Variants in USP40 observed in about 807,000 individuals in gnomAD.
The protein encoded by USP40 is ubiquitin specific peptidase 40.
USP40 carries 143 observed loss-of-function variants against 166.2 expected under a neutral mutation model. The ratio of observed to expected loss-of-function variants is 0.86; its 90% CI spans 0.75 to 0.99. The LOEUF (loss-of-function observed/expected upper bound fraction) is 0.99, where lower values mean the gene tolerates loss of function less well. Ranked by LOEUF, USP40 falls within the 50% of genes least tolerant of loss-of-function variation. The probability of loss-of-function intolerance (pLI) is 0.00; values close to 1 mark genes in which losing one functional copy is unlikely to be tolerated. For missense variants in USP40, 1,444 were observed against 1,479.7 expected (o/e 0.98, Z 0.40); for synonymous variants, 498 against 524.0 (o/e 0.95, Z 0.68).
rs745669996 is a variant in USP40 at position 233,480,918 on chromosome 2, C to T, written c.3599+285G>A. ...AAGAGCCAGGCAGAGGGTGAGGCTGCGGGTGAGGAGGAAGGAGGGGGACCG... is the reference window on the plus strand; with the variant it reads ...AAGAGCCAGGCAGAGGGTGAGGCTGTGGGTGAGGAGGAAGGAGGGGGACCG... On this transcript the variant is annotated intron_variant, in intron 31 of 31. Coordinates refer to ENST00000678225, the MANE Select transcript of USP40 (RefSeq NM_001365479.2). The surrounding 1 kb of genome is among the most constrained non-coding windows in gnomAD (Gnocchi z 4.5). 2.6e-5 allele frequency among the ~76,000 whole-genome samples: 4 copies of T among 151,972 alleles called. No individual in the cohort carries two copies. Among genetic ancestry groups the T allele is most frequent in the African/African-American group, 7.3e-5 (3 of 41,356 alleles).
In USP40 at chr2:233,493,617, C is replaced by T. The variant is rs2065489054; in HGVS notation, c.2791-66G>A. ...TTAAGTGAAACTCTACTTTTACTTC[C>T]ATAGAAAGAAACACCTTGATGACCT... On this transcript the variant is annotated intron_variant, in intron 24 of 31. Coordinates refer to ENST00000678225, the MANE Select transcript of USP40 (RefSeq NM_001365479.2). The surrounding 1 kb of genome is among the most constrained non-coding windows in gnomAD (Gnocchi z 4.7). The T allele has an allele frequency of 3.4e-6, 5 of 1,485,946 alleles. No individual in the cohort carries two copies. The highest frequency in any genetic ancestry group is 4.5e-6 in the Non-Finnish European group (5 of 1,109,960). The allele number at this position is 1,485,946 out of a possible 1,614,324, so 92.0% of individuals were successfully genotyped here. A position where few individuals can be genotyped will look rare whatever the true frequency, so the allele number is the denominator to read the frequency against.
rs202182823 is a variant in USP40 at position 233,549,146 on chromosome 2, A to G, written c.921T>C (p.His307=). ...AATGATCAACATCTTTAATATATAC[A>G]TGGTAATGGCCTCCGTAGCAGCCAC... ...HKGGCYGGHY[H]VYIKDVDHLG... is the part of the protein sequence containing the mutation. The change falls in exon 8 of 32, where the codon CAT becomes CAC. Residue 307 remains histidine (H), a synonymous_variant. Coordinates refer to ENST00000678225, the MANE Select transcript of USP40 (RefSeq NM_001365479.2). 1.9e-6 allele frequency: 3 copies of G among 1,602,434 alleles called. No individual in the cohort carries two copies. Among genetic ancestry groups the G allele is most frequent in the East Asian group, 2.2e-5 (1 of 44,600 alleles).
rs778693643 is a variant in USP40 at position 233,565,497 on chromosome 2, T to C, written c.58A>G (p.Lys20Glu). Residue 20 changes from lysine to glutamate, a missense_variant, in exon 2 of 32, where the codon AAA becomes GAA. Lys to Glu is a moderately conservative substitution (Grantham distance 56, BLOSUM62 1). Coordinates refer to ENST00000678225, the MANE Select transcript of USP40 (RefSeq NM_001365479.2). ...GCTTTAGTCTTTAATTTCTTCCCTT[T>C]TCCATACTGATTATTAGACACAGTG... The part of the protein sequence containing the change: ...YSTVSNNQYG[K>E]GKKLKTKALE... 10 of 1,537,182 alleles carry C rather than the reference T, an allele frequency of 6.5e-6. No individual in the cohort carries two copies. Among genetic ancestry groups the C allele is most frequent in the South Asian group, 4.8e-5 (4 of 84,062 alleles).
At position 233,493,568 on chromosome 2, in the gene USP40, G is replaced by A. The variant is rs749754400; in HGVS notation, c.2791-17C>T. On this transcript the variant is annotated splice_polypyrimidine_tract_variant and intron_variant, in intron 24 of 31. Coordinates refer to ENST00000678225, the MANE Select transcript of USP40 (RefSeq NM_001365479.2). This position sits in a 1 kb window ranked among gnomAD's most constrained non-coding sequence, Gnocchi z 4.7. Reference sequence around the variant, plus strand: ...CAGGAAACCCTGAAGAATGGAGCATGTTTAACTGCTGTGATTACAAAGATT... The same window carrying A: ...CAGGAAACCCTGAAGAATGGAGCATATTTAACTGCTGTGATTACAAAGATT... The A allele has an allele frequency of 6.2e-7, 1 of 1,601,706 alleles. No homozygotes were observed. The highest frequency in any genetic ancestry group is 8.5e-7 in the Non-Finnish European group (1 of 1,173,274).
chr2:233,488,089 A>C lies in USP40; in HGVS notation c.3197+150T>G, dbSNP rs576546296. ...AAGTTTTAGATGCCCAGACATACAAACATATTTCTAGCACACACTCTGTTT... is the reference window on the plus strand; with the variant it reads ...AAGTTTTAGATGCCCAGACATACAACCATATTTCTAGCACACACTCTGTTT... On this transcript the variant is annotated intron_variant, in intron 28 of 31. Transcript: ENST00000678225. The C allele has an allele frequency of 2.0e-4, 151 of 744,648 alleles. No homozygotes were observed. In the South Asian group the frequency reaches 2.2e-3, roughly 11 times the overall value. The allele number at this position is 744,648 out of a possible 1,614,324, so 46.1% of individuals were successfully genotyped here.
intron 30 of USP40, chr2:233,481,550 C>T (rs1033751293): frequency 7.8e-5 from 39 of 499,678 alleles, no homozygotes; most frequent in Non-Finnish European, 1.2e-4. Context: ...GCTTCCACTG[C>T]GAGTGGCCAA....
rs748159675 is a variant in USP40 at position 233,499,915 on chromosome 2, A to C, written c.2614T>G (p.Cys872Gly). The C allele has an allele frequency of 6.2e-7, 1 of 1,611,660 alleles. No individual in the cohort carries two copies. Among genetic ancestry groups the C allele is most frequent in the Non-Finnish European group, 8.5e-7 (1 of 1,178,804 alleles). Residue 872 changes from cysteine to glycine, a missense_variant and splice_region_variant, in exon 22 of 32, where the codon TGT (cysteine) becomes GGT (glycine). By Grantham distance (159) the Cys-to-Gly change is radical (BLOSUM62 -3). Coordinates refer to ENST00000678225, the MANE Select transcript of USP40 (RefSeq NM_001365479.2). ...GATTTCTTCAGCATTAACTTTAAAC[A>C]CTGTAAAGAAAAACAATGTCCAATG... ...VVEETISVRD[C>G]LKLMLKKSGL...
intron 1 of USP40, among the ~76,000 whole-genome samples, chr2:233,565,796 T>C (rs2072091181): frequency 6.6e-6 from 1 of 152,166 alleles, no homozygotes; most frequent in Admixed American, 6.5e-5. Context: ...TGTTTTCTTA[T>C]GTGTAAAATA....
At chr2:233,533,341 GTTC>G (rs1211492051) in intron 11 of USP40, 135 bp downstream of exon 11, 3 of 863,784 alleles carry the variant, frequency 3.5e-6, no homozygotes, top group South Asian at 1.9e-5. Context: ...GCATAATATA[GTTC>G]TTGTTAGCTT....
rs183752976 is a variant in USP40 at position 233,566,747 on chromosome 2, C to A, written c.-83G>T. On this transcript the variant is annotated 5_prime_UTR_variant, in exon 1 of 32. Coordinates refer to ENST00000678225, the MANE Select transcript of USP40 (RefSeq NM_001365479.2). Reference sequence around the variant, plus strand: ...AGCGAACGAACCCGCCCCAACTGGGCGCCGCCATGTTGGCGAGGGCGGGTC... The same window carrying A: ...AGCGAACGAACCCGCCCCAACTGGGAGCCGCCATGTTGGCGAGGGCGGGTC... The A allele has an allele frequency of 1.6e-5, 16 of 985,956 alleles. No homozygotes were observed. In the East Asian group the frequency reaches 1.7e-3, roughly 105 times the overall value. The allele number at this position is 985,956 out of a possible 1,614,324, so 61.1% of individuals were successfully genotyped here.
intron 8 of USP40, among the ~76,000 whole-genome samples, chr2:233,547,807 A>G (rs2070121609): frequency 6.6e-6 from 1 of 152,222 alleles, no homozygotes. Flanking sequence ...AATCCCACTG[A>G]GTATGTGTGT....
rs200423585 is a variant in USP40, at chr2:233,549,097, G to A, written c.966+4C>T. 333 of 1,590,200 alleles carry A rather than the reference G, an allele frequency of 2.1e-4. No homozygotes were observed. Among genetic ancestry groups the A allele is most frequent in the Non-Finnish European group, 2.6e-4 (302 of 1,170,376 alleles). On this transcript the variant is annotated splice_donor_region_variant and intron_variant, in intron 8 of 31. Coordinates refer to ENST00000678225, the MANE Select transcript of USP40 (RefSeq NM_001365479.2). ...GATATTTCTAAACGAATTTCTATAC[G>A]TACTTGAAACTGCCAGTTTCCCAAA...
intron 30 of USP40, among the ~76,000 whole-genome samples, chr2:233,482,979 G>A (rs2064721914): frequency 6.6e-6 from 1 of 152,142 alleles, no homozygotes; most frequent in African/African-American, 2.4e-5. Flanking sequence ...GATAACCTTG[G>A]CCCACTTCTC....
intron 8 of USP40, among the ~76,000 whole-genome samples, chr2:233,548,720 T>G (rs75820995): frequency 0.022 from 3,294 of 152,208 alleles, 52 homozygotes; most frequent in Middle Eastern, 0.088. Context: ...ATCCTTGGTT[T>G]TAGAAGATAA....
chr2:233,563,701 G>T (rs1313856811), intron 2 of USP40, among the ~76,000 whole-genome samples: 1 of 151,922 alleles, frequency 6.6e-6, no homozygotes, highest in Non-Finnish European at 1.5e-5. Flanking sequence ...AATTTCCCCC[G>T]CCAGTTCTCT....
intron 18 of USP40, among the ~76,000 whole-genome samples, chr2:233,518,433 G>A (rs2067406527): frequency 6.6e-6 from 1 of 151,572 alleles, no homozygotes; most frequent in South Asian, 2.1e-4. Context: ...TGGGCGTGGT[G>A]GCACACGCCT....
chr2:233,544,043 C>T (rs2069671138), intron 8 of USP40, among the ~76,000 whole-genome samples: 2 of 152,164 alleles, frequency 1.3e-5, no homozygotes, highest in African/African-American at 4.8e-5. Context: ...AGGACTCAGT[C>T]CCGTAAGACT....
At chr2:233,503,824 G>A (rs2066237152) in intron 21 of USP40, among the ~76,000 whole-genome samples, 2 of 152,144 alleles carry the variant, frequency 1.3e-5, no homozygotes, top group South Asian at 4.1e-4. Context: ...GAAAACACAT[G>A]AAAGTATAAA....
Position 233,476,846 on chromosome 2 carries a change from G to A in USP40, c.*546C>T, listed in dbSNP as rs1250437034. 1.6e-5 allele frequency: 3 copies of A among 185,968 alleles called. No homozygotes were observed. Among genetic ancestry groups the A allele is most frequent in the East Asian group, 1.5e-4 (1 of 6,644 alleles). 11.5% of individuals were successfully genotyped at this position (185,968 alleles called of 1,614,324 possible). The stretch of plus-strand genomic sequence containing the variant: ...TTTTAACTCAGACCAAAGGGCAGAC[G>A]TGGAGCATGCGGGGCCGGAACGAGT... On this transcript the variant is annotated 3_prime_UTR_variant, in exon 32 of 32. Transcript: ENST00000678225.
Sources: gnomAD v4.1 joint callset for allele counts (sites outside exome capture counted in the v4.1 genomes callset) on GRCh38, gnomAD v4.1.1 for gene constraint, Gnocchi (gnomAD v3.1) non-coding constraint, MANE v1.5 for transcripts, NCBI Gene and HGNC (gene_info 2026-07-23, HGNC 2026-07-21) for gene names.